CYB5R4: variants seen among roughly 807,000 people sequenced by gnomAD.
The protein encoded by CYB5R4 is N-terminal cytochrome b5 and cytochrome b5 oxidoreductase domain-containing protein.
Under a neutral mutation model 70.2 loss-of-function variants are expected in CYB5R4, and 55 were observed. That is an observed-to-expected ratio of 0.78 (90% CI 0.63 to 0.98). The LOEUF (loss-of-function observed/expected upper bound fraction) is 0.98. Ranked by LOEUF, CYB5R4 falls within the 50% of genes least tolerant of loss-of-function variation. The pLI, the probability that CYB5R4 is intolerant of heterozygous loss-of-function variation, is 0.00. For missense variants in CYB5R4, 562 were observed against 612.6 expected (o/e 0.92, Z 0.87); for synonymous variants, 197 against 199.5 (o/e 0.99, Z 0.11).
At chr6:83,889,598 A>G (rs1386914799) in intron 2 of CYB5R4, among the ~76,000 whole-genome samples, 1 of 152,220 alleles carries the variant, frequency 6.6e-6, no homozygotes, top group Admixed American at 6.5e-5. Flanking sequence ...TGACAATGCA[A>G]CTGGTCACCC....
chr6:83,940,936 G>GAT (rs1365857850), intron 14 of CYB5R4, among the ~76,000 whole-genome samples: 1 of 152,138 alleles, frequency 6.6e-6, no homozygotes, highest in Non-Finnish European at 1.5e-5. Context: ...TACTGGGGCT[G>GAT]ATAAAATAAG....
At chr6:83,931,644 T>C (rs1453039053) in intron 10 of CYB5R4, among the ~76,000 whole-genome samples, 1 of 152,032 alleles carries the variant, frequency 6.6e-6, no homozygotes, top group Non-Finnish European at 1.5e-5. Context: ...TTCTGTCTTA[T>C]GTTTTTGTTT....
At chr6:83,915,312 A>G (rs1278905888) in intron 5 of CYB5R4, among the ~76,000 whole-genome samples, 4 of 152,228 alleles carry the variant, frequency 2.6e-5, no homozygotes, top group Admixed American at 6.5e-5. Flanking sequence ...CAGAAATGCA[A>G]CTAACAAGCT....
At chr6:83,910,124 G>A (rs1588573159) in intron 4 of CYB5R4, 1 of 1,611,674 alleles carries the variant, frequency 6.2e-7, no homozygotes, top group East Asian at 2.2e-5. Flanking sequence ...ACCTATAGTG[G>A]GCTGAGACAT....
At position 83,922,300 on chromosome 6, in the gene CYB5R4, T is replaced by C. The variant is rs144039425; in HGVS notation, c.659-138T>C. On this transcript the variant is annotated intron_variant, in intron 8 of 15. Coordinates refer to ENST00000369681, the MANE Select transcript of CYB5R4 (RefSeq NM_016230.4). ...GATTCTTTATTTTGATTGTGTAAAA[T>C]TGTTTTGGTCTTTCAGAACACGTTT... 3.6e-3 allele frequency: 2,003 copies of C among 552,690 alleles called. 43 individuals carry two copies. The highest frequency in any genetic ancestry group is 0.035 in the African/African-American group (1,789 of 51,474). 34.2% of individuals were successfully genotyped at this position (552,690 alleles called of 1,614,324 possible). A position where few individuals can be genotyped will look rare whatever the true frequency, so the allele number is the denominator to read the frequency against.
intron 2 of CYB5R4, among the ~76,000 whole-genome samples, chr6:83,880,427 T>C (rs2099459260): frequency 6.6e-6 from 1 of 152,070 alleles, no homozygotes; most frequent in Non-Finnish European, 1.5e-5. Flanking sequence ...ACCTAAGGCA[T>C]AGACAGTCAG....
chr6:83,886,146 C>T (rs1169432873), intron 2 of CYB5R4, among the ~76,000 whole-genome samples: 1 of 152,130 alleles, frequency 6.6e-6, no homozygotes, highest in African/African-American at 2.4e-5. Context: ...AGTCCCAATG[C>T]AGTATAGGGC....
At chr6:83,914,843 T>C (rs2099465246) in intron 5 of CYB5R4, among the ~76,000 whole-genome samples, 1 of 151,514 alleles carries the variant, frequency 6.6e-6, no homozygotes, top group Admixed American at 6.6e-5. Flanking sequence ...CCTAGATTTT[T>C]TTTTTTTTTT....
chr6:83,859,995 T>G, intron 1 of CYB5R4, 138 bp downstream of exon 1: 1 of 765,376 alleles, frequency 1.3e-6, no homozygotes, highest in East Asian at 2.7e-5. Context: ...CTGCAACCTC[T>G]TTCTGATCCC....
chr6:83,915,643 A>C (rs541950888), intron 5 of CYB5R4, among the ~76,000 whole-genome samples: 1 of 152,342 alleles, frequency 6.6e-6, no homozygotes, highest in South Asian at 2.1e-4. Flanking sequence ...TAAGTATGGA[A>C]TATAGCACTC....
At chr6:83,860,664 C>T (rs926939522) in intron 1 of CYB5R4, among the ~76,000 whole-genome samples, 3 of 152,150 alleles carry the variant, frequency 2.0e-5, no homozygotes, top group Admixed American at 1.3e-4. Flanking sequence ...TTAACTTGGG[C>T]CACTCGGTTA....
chr6:83,898,977 C>A (rs973365825), intron 3 of CYB5R4, among the ~76,000 whole-genome samples: 2 of 152,100 alleles, frequency 1.3e-5, no homozygotes, highest in African/African-American at 4.8e-5. Flanking sequence ...GCCTAATTGC[C>A]CTGGCCAGGA....
At chr6:83,914,827 G>A (rs939091814) in intron 5 of CYB5R4, among the ~76,000 whole-genome samples, 8 of 132,884 alleles carry the variant, frequency 6.0e-5, no homozygotes, top group Non-Finnish European at 1.1e-4. Flanking sequence ...GAGCCACTGT[G>A]CCCGGCCTAG....
intron 9 of CYB5R4, among the ~76,000 whole-genome samples, 157 bp downstream of exon 9, chr6:83,922,627 T>C (rs2099466575): frequency 6.6e-6 from 1 of 152,142 alleles, no homozygotes; most frequent in Non-Finnish European, 1.5e-5. Context: ...CTCTTTTTTT[T>C]TTAAACTTTT....
chr6:83,871,501 C>G (rs988827998), intron 2 of CYB5R4, among the ~76,000 whole-genome samples: 1 of 151,910 alleles, frequency 6.6e-6, no homozygotes, highest in African/African-American at 2.4e-5. Flanking sequence ...TACTTCTCTC[C>G]CATTCATTAA....
intron 12 of CYB5R4, among the ~76,000 whole-genome samples, chr6:83,938,599 A>G (rs1387863370): frequency 1.3e-5 from 2 of 152,204 alleles, no homozygotes; most frequent in Non-Finnish European, 2.9e-5. Context: ...CCCAGCTGTA[A>G]GTCAGTTGCC....
intron 12 of CYB5R4, among the ~76,000 whole-genome samples, chr6:83,938,237 A>T (rs1484113712): frequency 6.6e-6 from 1 of 152,226 alleles, no homozygotes; most frequent in Admixed American, 6.5e-5. Flanking sequence ...GATTGTAATA[A>T]AGTAAGTGGA....
In CYB5R4 at chr6:83,940,102, C is replaced by G; in HGVS notation, c.1155C>G (p.Ser385=). 6.2e-7 allele frequency: 1 copy of G among 1,611,160 alleles called. No individual in the cohort carries two copies. The highest frequency in any genetic ancestry group is 1.1e-5 in the South Asian group (1 of 90,814). ...GTCCTGAGGGCAATTTTAAAATATC[C>G]AAGTTCCAAGAATTAGAAGATCTCT... The part of the protein sequence containing the change: ...VSSPEGNFKI[S]KFQELEDLFL... The change falls in exon 13 of 16, where the codon TCC becomes TCG. Residue 385 remains serine, a synonymous_variant. Coordinates refer to ENST00000369681, the MANE Select transcript of CYB5R4 (RefSeq NM_016230.4).
intron 11 of CYB5R4, among the ~76,000 whole-genome samples, chr6:83,935,989 A>G (rs2099468863): frequency 1.3e-5 from 2 of 152,162 alleles, no homozygotes; most frequent in Admixed American, 1.3e-4. Context: ...ACTATACATC[A>G]TAAAAACAGA....
Sources: gnomAD v4.1 joint callset for allele counts (sites outside exome capture counted in the v4.1 genomes callset) on GRCh38, gnomAD v4.1.1 for gene constraint, MANE v1.5 for transcripts, NCBI Gene and HGNC (gene_info 2026-07-23, HGNC 2026-07-21) for gene names.